Variants in HOXD13 observed in about 807,000 individuals in gnomAD.
The protein encoded by HOXD13 is homeobox protein Hox-D13.
Under a neutral mutation model 27.3 loss-of-function variants are expected in HOXD13, and 16 were observed. The ratio of observed to expected loss-of-function variants is 0.59; its 90% CI spans 0.40 to 0.89. The LOEUF (loss-of-function observed/expected upper bound fraction) is 0.89. Among genes scored for constraint, HOXD13 ranks in the 40% least tolerant of loss-of-function variants. The pLI is 0.00. For missense variants in HOXD13, 481 were observed against 482.6 expected (o/e 1.00, Z 0.03); for synonymous variants, 241 against 219.0 (o/e 1.10, Z -0.89).
upstream of HOXD13, among the ~76,000 whole-genome samples, chr2:176,089,305 A>T (rs1261921627): frequency 6.6e-6 from 1 of 152,208 alleles, no homozygotes; most frequent in Admixed American, 6.5e-5. Context: ...CAGAACACAG[A>T]TTTGGTTAAG....
At position 176,093,262 on chromosome 2, in the gene HOXD13, G is replaced by T. The variant is rs1363416925; in HGVS notation, c.372G>T (p.Ala124=). The change falls in exon 1 of 2, where the codon GCG becomes GCT. Residue 124 remains alanine, a synonymous_variant. Coordinates refer to ENST00000392539, the MANE Select transcript of HOXD13 (RefSeq NM_000523.4). ...CTGCAGCGCCCCCGAGCGCTCCAGCGCTGGGCTACGGCTACCACTTCGGCA... is the reference window on the plus strand; with the variant it reads ...CTGCAGCGCCCCCGAGCGCTCCAGCTCTGGGCTACGGCTACCACTTCGGCA... The part of the protein sequence containing the change: ...AAAAAPPSAP[A]LGYGYHFGNG... 1.9e-6 allele frequency: 3 copies of T among 1,610,774 alleles called. No homozygotes were observed. The highest frequency in any genetic ancestry group is 2.5e-6 in the Non-Finnish European group (3 of 1,179,452).
In HOXD13 at chr2:176,094,926, T is replaced by C. The variant is rs1689390971; in HGVS notation, c.*196T>C. On this transcript the variant is annotated 3_prime_UTR_variant, in exon 2 of 2. Transcript: ENST00000392539. ...CAACCTGACTTTGTAGTTCTGATTTTTACTTGTTTATTATTGGTTTTGTTC... is the reference window on the plus strand; with the variant it reads ...CAACCTGACTTTGTAGTTCTGATTTCTACTTGTTTATTATTGGTTTTGTTC... 1.7e-6 allele frequency: 1 copy of C among 590,074 alleles called. No individual in the cohort carries two copies. Among genetic ancestry groups the C allele is most frequent in the South Asian group, 2.0e-5 (1 of 49,352 alleles). 36.6% of individuals were successfully genotyped at this position (590,074 alleles called of 1,614,324 possible). A position where few individuals can be genotyped will look rare whatever the true frequency, so the allele number is the denominator to read the frequency against.
chr2:176,094,387 A>G (rs773255556), intron 1 of HOXD13, 93 bp from the exon 2 acceptor site: 4,099 of 371,550 alleles, frequency 0.011, 3 homozygotes, highest in South Asian at 0.025. Flanking sequence ...CTGCAAACGC[A>G]CACACACACA....
At chr2:176,091,372 C>G (rs555900957), upstream of HOXD13, among the ~76,000 whole-genome samples, 8 of 152,298 alleles carry the variant, frequency 5.3e-5, no homozygotes, top group African/African-American at 1.7e-4. Flanking sequence ...CCCCCAGAAC[C>G]CTGGGCTCAT....
chr2:176,092,936 G>A lies in HOXD13; in HGVS notation c.46G>A (p.Gly16Ser). ...GGACATGGACGGGCTGCGGGCAGAC[G>A]GCGGGGGCGCCGGTGGCGCCCCGGC... The part of the protein sequence containing the change: ...SWDMDGLRAD[G>S]GGAGGAPASS... Residue 16 changes from glycine to serine, a missense_variant, in exon 1 of 2, where the codon GGC becomes AGC. Transcript: ENST00000392539. 7.5e-7 allele frequency: 1 copy of A among 1,329,132 alleles called. No individual in the cohort carries two copies. Among genetic ancestry groups the A allele is most frequent in the Non-Finnish European group, 9.6e-7 (1 of 1,042,812 alleles). The allele number at this position is 1,329,132 out of a possible 1,614,324, so 82.3% of individuals were successfully genotyped here.
In HOXD13 at chr2:176,093,107, G is replaced by A. The variant is rs544449825; in HGVS notation, c.217G>A (p.Gly73Ser). ...AAAAAAAAAS[G>S]FAYPGTSERT... Reference sequence around the variant, plus strand: ...TGCGGCGGCGGCGGCGGCAGCCTCCGGCTTTGCGTACCCCGGGACCTCTGA... The same window carrying A: ...TGCGGCGGCGGCGGCGGCAGCCTCCAGCTTTGCGTACCCCGGGACCTCTGA... The change falls in exon 1 of 2, where the codon GGC becomes AGC. Residue 73 changes from glycine (G) to serine (S), a missense_variant. Gly to Ser is a moderately conservative substitution (Grantham distance 56). Coordinates refer to ENST00000392539, the MANE Select transcript of HOXD13 (RefSeq NM_000523.4). The A allele has an allele frequency of 4.5e-5, 69 of 1,540,944 alleles. No individual in the cohort carries two copies. The highest frequency in any genetic ancestry group is 5.8e-5 in the Non-Finnish European group (67 of 1,154,104).
At chr2:176,087,733 ACCCAAGC>A (rs1689262948), upstream of HOXD13, among the ~76,000 whole-genome samples, 2 of 152,130 alleles carry the variant, frequency 1.3e-5, no homozygotes. Flanking sequence ...CAAGAATCCA[ACCCAAGC>A]CCGCATGCTT....
rs1005543758 is a variant in HOXD13 at position 176,093,223 on chromosome 2, G to A, written c.333G>A (p.Thr111=). ...APPAKECPAP[T]PAAAAAAPPS... is the part of the protein sequence containing the mutation. Reference sequence around the variant, plus strand: ...CAGCCAAAGAGTGCCCAGCACCCACGCCTGCAGCGGCCGCTGCAGCGCCCC... The same window carrying A: ...CAGCCAAAGAGTGCCCAGCACCCACACCTGCAGCGGCCGCTGCAGCGCCCC... The change falls in exon 1 of 2, where the codon ACG becomes ACA. Residue 111 remains threonine, a synonymous_variant. Transcript: ENST00000392539. 22 of 1,609,142 alleles carry A rather than the reference G, an allele frequency of 1.4e-5. No individual in the cohort carries two copies. The highest frequency in any genetic ancestry group is 1.9e-5 in the Non-Finnish European group (22 of 1,179,274).
upstream of HOXD13, among the ~76,000 whole-genome samples, chr2:176,088,563 C>CG (rs997329750): frequency 2.4e-4 from 37 of 152,162 alleles, no homozygotes; most frequent in Middle Eastern, 6.8e-3. Context: ...TTCGGCTCCC[C>CG]CCTTCGTGCT....
At position 176,093,675 on chromosome 2, in the gene HOXD13, G is replaced by C. The variant is rs1009388093; in HGVS notation, c.781+4G>C. On this transcript the variant is annotated splice_donor_region_variant and intron_variant, in intron 1 of 1. Coordinates refer to ENST00000392539, the MANE Select transcript of HOXD13 (RefSeq NM_000523.4). ...TTTTGGAAATCTTCCTTTCCAGGTA[G>C]GGGCGATGGAGAAAAGGGACCGACA... 3 of 1,571,956 alleles carry C rather than the reference G, an allele frequency of 1.9e-6. No homozygotes were observed. The African/African-American group carries it at 4.1e-5, about 21-fold the overall frequency.
chr2:176,093,295 C>T lies in HOXD13; in HGVS notation c.405C>T (p.Tyr135=), dbSNP rs201600075. 1.2e-6 allele frequency: 2 copies of T among 1,611,128 alleles called. No homozygotes were observed. Among genetic ancestry groups the T allele is most frequent in the Admixed American group, 1.7e-5 (1 of 59,988 alleles). The change falls in exon 1 of 2, where the codon TAC becomes TAT. Residue 135 remains tyrosine (Y), a synonymous_variant. Transcript: ENST00000392539. The stretch of plus-strand genomic sequence containing the variant: ...ACGGCTACCACTTCGGCAACGGCTA[C>T]TACAGCTGCCGTATGTCGCACGGCG... The part of the protein sequence containing the change: ...LGYGYHFGNG[Y]YSCRMSHGVG...
At chr2:176,094,385 G>GCACACACACACACA (rs10649769) in intron 1 of HOXD13, 95 bp from the exon 2 acceptor site, 23 of 1,202,216 alleles carry the variant, frequency 1.9e-5, no homozygotes, top group African/African-American at 1.9e-4. Flanking sequence ...CCCTGCAAAC[G>GCACACACACACACA]CACACACACA....
At chr2:176,090,404 T>A (rs1360381055), upstream of HOXD13, among the ~76,000 whole-genome samples, 4 of 152,250 alleles carry the variant, frequency 2.6e-5, no homozygotes, top group Admixed American at 2.6e-4. Flanking sequence ...CCTTTCAACC[T>A]GAGTAGTAAT....
At position 176,093,070 on chromosome 2, in the gene HOXD13, GGCAGCGGCGGCT is replaced by G; in HGVS notation, c.183_194del (p.Ala68_Ala71del). The G allele has an allele frequency of 1.5e-6, 2 of 1,371,472 alleles. No individual in the cohort carries two copies. Among genetic ancestry groups the G allele is most frequent in the Non-Finnish European group, 1.9e-6 (2 of 1,068,726 alleles). The allele number at this position is 1,371,472 out of a possible 1,614,324, so 85.0% of individuals were successfully genotyped here. On this transcript the variant is annotated inframe_deletion, in exon 1 of 2. Coordinates refer to ENST00000392539, the MANE Select transcript of HOXD13 (RefSeq NM_000523.4). ...CGCATTCGGGGCGGGCGGCGGCGGC[GGCAGCGGCGGCT>G]GCGGCGGCGGCGGCGGCAGCCTCCG...
upstream of HOXD13, among the ~76,000 whole-genome samples, chr2:176,088,366 G>A (rs778228076): frequency 6.6e-6 from 1 of 152,250 alleles, no homozygotes; most frequent in Admixed American, 6.5e-5. Context: ...CACGGAGGAA[G>A]GTCGTGGTGC....
In HOXD13 at chr2:176,094,954, G is replaced by A; in HGVS notation, c.*224G>A. On this transcript the variant is annotated 3_prime_UTR_variant, in exon 2 of 2. Coordinates refer to ENST00000392539, the MANE Select transcript of HOXD13 (RefSeq NM_000523.4). ...CTTGTTTATTATTGGTTTTGTTCTT[G>A]CCTAGGGTTTTTAAAATATCTGTTT... The A allele has an allele frequency of 1.8e-6, 1 of 552,980 alleles. No individual in the cohort carries two copies. The highest frequency in any genetic ancestry group is 3.2e-6 in the Non-Finnish European group (1 of 309,174). The allele number at this position is 552,980 out of a possible 1,614,324, so 34.3% of individuals were successfully genotyped here. A position where few individuals can be genotyped will look rare whatever the true frequency, so the allele number is the denominator to read the frequency against.
Position 176,094,826 on chromosome 2 carries a change from C to A in HOXD13, c.*96C>A. On this transcript the variant is annotated 3_prime_UTR_variant, in exon 2 of 2. Transcript: ENST00000392539. ...GAATATGTATTTAATTCCCCCCACC[C>A]CCTGCCAATGGTGGCAAATTTTGTG... 4 of 1,135,286 alleles carry A rather than the reference C, an allele frequency of 3.5e-6. No individual in the cohort carries two copies. Among genetic ancestry groups the A allele is most frequent in the Middle Eastern group, 2.0e-4 (1 of 5,040 alleles). 70.3% of individuals were successfully genotyped at this position (1,135,286 alleles called of 1,614,324 possible). A position where few individuals can be genotyped will look rare whatever the true frequency, so the allele number is the denominator to read the frequency against.
upstream of HOXD13, among the ~76,000 whole-genome samples, chr2:176,089,899 A>C (rs1689294954): frequency 6.6e-6 from 1 of 152,188 alleles, no homozygotes; most frequent in South Asian, 2.1e-4. Flanking sequence ...TGTTGTTAAA[A>C]ACCCCTGCAT....
At chr2:176,087,820 T>A (rs73029926), upstream of HOXD13, among the ~76,000 whole-genome samples, 2,995 of 152,338 alleles carry the variant, frequency 0.02, 97 homozygotes, top group African/African-American at 0.068. Context: ...AAAAGCCCTT[T>A]TTGTTCTAAA....
Sources: gnomAD v4.1 joint callset for allele counts (sites outside exome capture counted in the v4.1 genomes callset) on GRCh38, gnomAD v4.1.1 for gene constraint, MANE v1.5 for transcripts, NCBI Gene and HGNC (gene_info 2026-07-23, HGNC 2026-07-21) for gene names.